WDR59: variants seen among roughly 807,000 people sequenced by gnomAD.
The protein encoded by WDR59 is WD repeat domain 59, also known as GATOR2 complex protein WDR59.
Under a neutral mutation model 131.2 loss-of-function variants are expected in WDR59, and 100 were observed. The observed-to-expected ratio is 0.76, with a 90% confidence interval of 0.65 to 0.90. The LOEUF is 0.90. Ranked by LOEUF, WDR59 falls within the 40% of genes least tolerant of loss-of-function variation. The pLI is 0.00. For missense variants in WDR59, 1,203 were observed against 1,262.2 expected, an observed-to-expected ratio of 0.95 and a Z score of 0.71; for synonymous variants, 601 against 466.2, an observed-to-expected ratio of 1.29 and a Z score of -3.72.
At chr16:74,878,955 A>G (rs1468781670) in intron 25 of WDR59, among the ~76,000 whole-genome samples, 1 of 152,230 alleles carries the variant, frequency 6.6e-6, no homozygotes, top group East Asian at 1.9e-4. Flanking sequence ...CCAGAAATAG[A>G]AACTTAGAGA....
In WDR59 at chr16:74,948,541, A is replaced by C; in HGVS notation, c.423T>G (p.Pro141=). 1 of 1,613,796 alleles carries C rather than the reference A, an allele frequency of 6.2e-7. No individual in the cohort carries two copies. The highest frequency in any genetic ancestry group is 1.1e-5 in the South Asian group (1 of 91,074). Residue 141 remains proline (P), a synonymous_variant, in exon 6 of 26, where the codon CCT becomes CCG. Coordinates refer to ENST00000262144, the MANE Select transcript of WDR59 (RefSeq NM_030581.4). ...YIWDIKDTRK[P]TVALSAVAGA... is the part of the protein sequence containing the mutation. ...CACCAACAGCAGACAGTGCAACAGT[A>C]GGTTTCCTTGTGTCTCTGAAATATA...
intron 20 of WDR59, among the ~76,000 whole-genome samples, chr16:74,890,851 C>T (rs963317803): frequency 6.6e-6 from 1 of 152,124 alleles, no homozygotes; most frequent in Non-Finnish European, 1.5e-5. Context: ...CCCTGTGGCT[C>T]ACGCCTGTAA....
intron 2 of WDR59, among the ~76,000 whole-genome samples, chr16:74,960,328 C>CT (rs2033502137): frequency 6.6e-6 from 1 of 151,258 alleles, no homozygotes; most frequent in Admixed American, 6.6e-5. Flanking sequence ...GAAACTCCAT[C>CT]TAAAAAAAAG....
intron 2 of WDR59, among the ~76,000 whole-genome samples, chr16:74,959,997 A>T (rs8049011): frequency 6.6e-6 from 1 of 152,120 alleles, no homozygotes; most frequent in African/African-American, 2.4e-5. Flanking sequence ...AAATTAAAAT[A>T]GTTGAAATTT....
At chr16:74,945,876 T>C (rs1278274356) in intron 6 of WDR59, among the ~76,000 whole-genome samples, 2 of 149,474 alleles carry the variant, frequency 1.3e-5, no homozygotes, top group Admixed American at 6.8e-5. Flanking sequence ...TAGAGTGCAA[T>C]GGCGTGATCT....
At chr16:74,879,674 G>A (rs1265689396) in intron 25 of WDR59, among the ~76,000 whole-genome samples, 1 of 151,596 alleles carries the variant, frequency 6.6e-6, no homozygotes, top group Non-Finnish European at 1.5e-5. Context: ...AAACACTCTG[G>A]AAATAGTATC....
At chr16:74,975,179 G>A (rs1383239913) in intron 1 of WDR59, among the ~76,000 whole-genome samples, 1 of 152,166 alleles carries the variant, frequency 6.6e-6, no homozygotes, top group Non-Finnish European at 1.5e-5. Context: ...TGGCCAACAT[G>A]GCGATACCTC....
chr16:74,884,023 T>G (rs1232927401), intron 25 of WDR59, among the ~76,000 whole-genome samples: 1 of 152,232 alleles, frequency 6.6e-6, no homozygotes, highest in Non-Finnish European at 1.5e-5. Context: ...ACCCAGTTGC[T>G]CATGCTGGAA....
At chr16:74,890,216 T>C (rs539678231) in intron 20 of WDR59, among the ~76,000 whole-genome samples, 55 of 152,336 alleles carry the variant, frequency 3.6e-4, no homozygotes, top group Non-Finnish European at 5.4e-4. Context: ...CGTGGCACAA[T>C]CACAGCTCAC....
chr16:74,932,430 T>TACACACACACACACAC (rs34468583), intron 8 of WDR59, among the ~76,000 whole-genome samples: 1 of 144,110 alleles, frequency 6.9e-6, no homozygotes, highest in African/African-American at 2.6e-5. Flanking sequence ...ACATAATTTT[T>TACACACACACACACAC]ACACACACAC....
chr16:74,888,124 A>G (rs781697242), intron 22 of WDR59, 45 bp downstream of exon 22: 546 of 1,507,374 alleles, frequency 3.6e-4, no homozygotes, highest in Admixed American at 9.5e-4. Context: ...TCTCAAAAAA[A>G]AAAAAAAAAA....
At chr16:74,891,050 G>T (rs1237818233) in intron 20 of WDR59, among the ~76,000 whole-genome samples, 1 of 149,618 alleles carries the variant, frequency 6.7e-6, no homozygotes, top group Admixed American at 6.8e-5. Flanking sequence ...GGAGGCAGAG[G>T]TTGCAGTGAG....
chr16:74,895,292 T>G (rs1965245275), intron 18 of WDR59, among the ~76,000 whole-genome samples: 1 of 152,226 alleles, frequency 6.6e-6, no homozygotes, highest in Non-Finnish European at 1.5e-5. Flanking sequence ...AGACAGAGTC[T>G]TGCTCTGTTG....
chr16:74,984,202 C>A (rs4887798), intron 1 of WDR59, among the ~76,000 whole-genome samples: 1 of 152,118 alleles, frequency 6.6e-6, no homozygotes, highest in African/African-American at 2.4e-5. Context: ...GCTTGAATCC[C>A]GGAGGCGGAG....
rs183467135 is a variant in WDR59 at position 74,945,507 on chromosome 16, T to C, written c.446-2681A>G. On this transcript the variant is annotated intron_variant, in intron 6 of 25. Transcript: ENST00000262144. ...TAAAAAAAAAAAAGAAACCTATAAA[T>C]GTAAGTAACAAAGTCAGGAGAATGT... Among the ~76,000 whole-genome samples, 5 of 151,562 alleles carry C rather than the reference T, an allele frequency of 3.3e-5. No homozygotes were observed. The East Asian group carries it at 7.8e-4, about 24-fold the overall frequency.
intron 13 of WDR59, among the ~76,000 whole-genome samples, chr16:74,914,016 G>A (rs541397407): frequency 6.6e-6 from 1 of 152,284 alleles, no homozygotes; most frequent in South Asian, 2.1e-4. Context: ...AGGCCAACCT[G>A]GCCAACATGG....
chr16:74,917,292 CG>C (rs1160451708), intron 11 of WDR59, among the ~76,000 whole-genome samples: 1 of 152,146 alleles, frequency 6.6e-6, no homozygotes, highest in Non-Finnish European at 1.5e-5. Flanking sequence ...GCATTTGCAG[CG>C]TACAAGGGTA....
chr16:74,968,424 A>C (rs1463143317), intron 1 of WDR59, among the ~76,000 whole-genome samples: 1 of 152,186 alleles, frequency 6.6e-6, no homozygotes, highest in East Asian at 1.9e-4. Context: ...ATGTTGTTGT[A>C]AGATGCTAAA....
intron 8 of WDR59, among the ~76,000 whole-genome samples, chr16:74,932,290 A>G (rs530442163): frequency 1.3e-5 from 2 of 151,710 alleles, no homozygotes; most frequent in African/African-American, 2.4e-5. Context: ...GGGTCTCACT[A>G]TGTTGTCCAG....
Sources: allele counts gnomAD v4.1 joint callset (sites outside exome capture counted in the v4.1 genomes callset), GRCh38; gene constraint gnomAD v4.1.1; transcripts MANE v1.5; gene names NCBI Gene and HGNC (gene_info 2026-07-23, HGNC 2026-07-21).